Variants in SPACA9 observed in about 807,000 individuals in gnomAD.
The protein encoded by SPACA9 is sperm acrosome associated 9.
In SPACA9, 14 loss-of-function variants were observed where a neutral mutation model predicts 12.5. That is an observed-to-expected ratio of 1.12 (90% CI 0.74 to 1.75). The LOEUF (loss-of-function observed/expected upper bound fraction) is 1.75, where lower values mean the gene tolerates loss of function less well. Among genes scored for constraint, SPACA9 ranks in the 40% most tolerant of loss-of-function variants. SPACA9 has a pLI of 0.00. For synonymous variants in SPACA9, 111 were observed against 114.1 expected, an observed-to-expected ratio of 0.97 and a Z score of 0.17; for missense variants, 292 against 291.9, an observed-to-expected ratio of 1.00 and a Z score of 0.00.
Position 132,888,148 on chromosome 9 carries a change from G to A in SPACA9, c.348-142G>A. 1 of 1,359,840 alleles carries A rather than the reference G, an allele frequency of 7.4e-7. No homozygotes were observed. Among genetic ancestry groups the A allele is most frequent in the Non-Finnish European group, 9.8e-7 (1 of 1,018,570 alleles). 84.2% of individuals were successfully genotyped at this position (1,359,840 alleles called of 1,614,324 possible). A position where few individuals can be genotyped will look rare whatever the true frequency, so the allele number is the denominator to read the frequency against. ...AGGCCTGGTCTGCCAGAATCTCTGG[G>A]GACAGAGCGCCTCAGCGTGCTGTGT... On this transcript the variant is annotated intron_variant, in intron 3 of 3. Transcript: ENST00000356311. This position sits in a 1 kb window ranked among gnomAD's most constrained non-coding sequence, Gnocchi z 5.0.
intron 2 of SPACA9, among the ~76,000 whole-genome samples, chr9:132,886,747 G>A (rs1287481359): frequency 1.3e-5 from 2 of 152,144 alleles, no homozygotes; most frequent in East Asian, 3.9e-4. Context: ...CATTTTGCAT[G>A]GTGCCTGGAA....
intron 1 of SPACA9, among the ~76,000 whole-genome samples, chr9:132,880,433 T>G (rs1234444258): frequency 6.6e-6 from 1 of 151,856 alleles, no homozygotes; most frequent in East Asian, 1.9e-4. Flanking sequence ...AAGAACAGAG[T>G]CAGTTCCTCT....
intron 2 of SPACA9, among the ~76,000 whole-genome samples, chr9:132,886,706 G>A (rs1281575390): frequency 1.3e-5 from 2 of 152,228 alleles, no homozygotes; most frequent in African/African-American, 4.8e-5. Flanking sequence ...GTAGGGTTTA[G>A]ATGAAGACAG....
chr9:132,888,591 C>A lies in SPACA9; in HGVS notation c.649C>A (p.Pro217Thr). Residue 217 changes from proline to threonine, a missense_variant, in exon 4 of 4, where the codon CCT becomes ACT. Coordinates refer to ENST00000356311, the MANE Select transcript of SPACA9 (RefSeq NM_001316897.2). This position sits in a 1 kb window ranked among gnomAD's most constrained non-coding sequence, Gnocchi z 5.0. ...PRGCSKPPWR[P>T]PGGKL The stretch of plus-strand genomic sequence containing the variant: ...GGGATGTTCAAAACCACCCTGGAGG[C>A]CTCCTGGTGGGAAATTGTAACTCAG... 1 of 1,534,026 alleles carries A rather than the reference C, an allele frequency of 6.5e-7. No individual in the cohort carries two copies. The highest frequency in any genetic ancestry group is 8.8e-7 in the Non-Finnish European group (1 of 1,137,828).
intron 1 of SPACA9, 58 bp from the exon 2 acceptor site, chr9:132,883,853 G>A: frequency 7.3e-7 from 1 of 1,368,150 alleles, no homozygotes; most frequent in South Asian, 1.2e-5. Flanking sequence ...CTTCCCTCCG[G>A]AGCTGGATCC....
In SPACA9 at chr9:132,883,988, A is replaced by C; in HGVS notation, c.41A>C (p.Lys14Thr). ...GAATCCCTTCGCAGCATCGAGCAGA[A>C]GTACAAGCTCTTCCAGCAGCAGCAG... ...VKESLRSIEQ[K>T]YKLFQQQQLT... Residue 14 changes from lysine to threonine, a missense_variant, in exon 2 of 4, where the codon AAG becomes ACG. Coordinates refer to ENST00000356311, the MANE Select transcript of SPACA9 (RefSeq NM_001316897.2). 1 of 1,614,208 alleles carries C rather than the reference A, an allele frequency of 6.2e-7. No homozygotes were observed. Among genetic ancestry groups the C allele is most frequent in the African/African-American group, 1.3e-5 (1 of 75,042 alleles).
chr9:132,883,842 C>T, intron 1 of SPACA9, 69 bp from the exon 2 acceptor site: 1 of 1,250,768 alleles, frequency 8.0e-7, no homozygotes, highest in South Asian at 1.3e-5. Context: ...CCCTGACAGT[C>T]CTTCCCTCCG....
intron 2 of SPACA9, among the ~76,000 whole-genome samples, chr9:132,886,315 C>CCTCCTTCT (rs1844563772): frequency 6.6e-6 from 1 of 152,240 alleles, no homozygotes; most frequent in Admixed American, 6.5e-5. Context: ...ACTGGGTAAC[C>CCTCCTTCT]CCATAAGCTC....
chr9:132,890,054 G>C, downstream of SPACA9: 5 of 1,357,634 alleles, frequency 3.7e-6, no homozygotes, highest in Non-Finnish European at 4.8e-6. Context: ...TGGTTTCCTG[G>C]GATTTATCCC....
At chr9:132,885,541 A>G (rs1409926545) in intron 2 of SPACA9, among the ~76,000 whole-genome samples, 1 of 151,728 alleles carries the variant, frequency 6.6e-6, no homozygotes, top group East Asian at 1.9e-4. Context: ...AAAAAGTTAA[A>G]TGTACAGAAA....
Position 132,889,666 on chromosome 9 carries a change from C to T in SPACA9, c.*1055C>T, listed in dbSNP as rs1844694771. 21 of 969,264 alleles carry T rather than the reference C, an allele frequency of 2.2e-5. No individual in the cohort carries two copies. Among genetic ancestry groups the T allele is most frequent in the Admixed American group, 5.7e-5 (1 of 17,436 alleles). The allele number at this position is 969,264 out of a possible 1,614,324, so 60.0% of individuals were successfully genotyped here. On this transcript the variant is annotated 3_prime_UTR_variant, in exon 4 of 4. Coordinates refer to ENST00000356311, the MANE Select transcript of SPACA9 (RefSeq NM_001316897.2). ...CTGACCTCAACTGGTCCACCCGCCT[C>T]GGCCTCCCAAAGTGCTGGGATTACA... is the stretch of plus-strand genomic sequence containing the variant.
chr9:132,883,529 TG>T lies in SPACA9; in HGVS notation c.-37-381del, dbSNP rs200768028. Among the ~76,000 whole-genome samples the T allele has an allele frequency of 8.1e-3, 1,240 of 152,200 alleles. 13 individuals are homozygous for T. The highest frequency in any genetic ancestry group is 0.028 in the African/African-American group (1,159 of 41,522). ...GTGTGTACACGCGTGCGTGTGTGTG[TG>T]TATGCATGTACCTGTATGTGTGTGC... On this transcript the variant is annotated intron_variant, in intron 1 of 3. Coordinates refer to ENST00000356311, the MANE Select transcript of SPACA9 (RefSeq NM_001316897.2).
chr9:132,883,546 ATG>A (rs563296994), intron 1 of SPACA9, among the ~76,000 whole-genome samples: 1 of 151,886 alleles, frequency 6.6e-6, no homozygotes, highest in Non-Finnish European at 1.5e-5. Context: ...ATGTACCTGT[ATG>A]TGTGTGCACA....
rs1844597030 is a variant in SPACA9, at chr9:132,887,382, T to C, written c.158T>C (p.Met53Thr). ...CGGCCCTTGCAGGTGCAGAGCTACA[T>C]GGAACACTACTGCAACAGCTCCACA... ...ISSIGQVQSY[M>T]EHYCNSSTDR... The change falls in exon 3 of 4, where the codon ATG becomes ACG. Residue 53 changes from methionine (M) to threonine (T), a missense_variant. Coordinates refer to ENST00000356311, the MANE Select transcript of SPACA9 (RefSeq NM_001316897.2). The surrounding 1 kb of genome is among the most constrained non-coding windows in gnomAD (Gnocchi z 5.4). The C allele has an allele frequency of 6.2e-7, 1 of 1,612,340 alleles. No individual in the cohort carries two copies.
rs988439905 is a variant in SPACA9, at chr9:132,889,601, G to T, written c.*990G>T. 2.3e-5 allele frequency: 9 copies of T among 385,402 alleles called. No homozygotes were observed. Among genetic ancestry groups the T allele is most frequent in the Admixed American group, 6.4e-5 (1 of 15,546 alleles). The allele number at this position is 385,402 out of a possible 1,614,324, so 23.9% of individuals were successfully genotyped here. ...ATATATATATATATTTTTTAGTAGA[G>T]ACGGGGCTTCACCACGTTGGCCAGG... On this transcript the variant is annotated 3_prime_UTR_variant, in exon 4 of 4. Coordinates refer to ENST00000356311, the MANE Select transcript of SPACA9 (RefSeq NM_001316897.2).
At chr9:132,878,846 T>A (rs1588256548), upstream of SPACA9, 3 of 887,136 alleles carry the variant, frequency 3.4e-6, 1 homozygote, top group Admixed American at 1.9e-4. The surrounding 1 kb of genome is among the most constrained non-coding windows in gnomAD (Gnocchi z 4.7). Flanking sequence ...GCACCGGCGG[T>A]AACAATCACG....
upstream of SPACA9, chr9:132,878,851 A>C (rs1844282836): frequency 4.7e-6 from 4 of 854,904 alleles, no homozygotes; most frequent in African/African-American, 1.8e-5. This position sits in a 1 kb window ranked among gnomAD's most constrained non-coding sequence, Gnocchi z 4.7. Context: ...GGCGGTAACA[A>C]TCACGCCCGC....
chr9:132,888,635 C>T lies in SPACA9; in HGVS notation c.*24C>T, dbSNP rs770771420. 142 of 1,503,956 alleles carry T rather than the reference C, an allele frequency of 9.4e-5. No homozygotes were observed. The highest frequency in any genetic ancestry group is 1.2e-4 in the Non-Finnish European group (132 of 1,124,990). The allele number at this position is 1,503,956 out of a possible 1,614,324, so 93.2% of individuals were successfully genotyped here. Reference sequence around the variant, plus strand: ...AACTCAGAGCCAGGAGCTCCGTCGGCGGAGAGCTTTGCTGTTTAATTTGGA... The same window carrying T: ...AACTCAGAGCCAGGAGCTCCGTCGGTGGAGAGCTTTGCTGTTTAATTTGGA... On this transcript the variant is annotated 3_prime_UTR_variant, in exon 4 of 4. Transcript: ENST00000356311. This position sits in a 1 kb window ranked among gnomAD's most constrained non-coding sequence, Gnocchi z 5.0.
rs1209563494 is a variant in SPACA9, at chr9:132,884,127, A to G, written c.144+36A>G. 4 of 1,604,140 alleles carry G rather than the reference A, an allele frequency of 2.5e-6. No homozygotes were observed. The African/African-American group carries it at 4.0e-5, about 16-fold the overall frequency. ...CGACCCCCACCCCGGCCGAGGGGCA[A>G]CAAGCCCAGTCCCCTCTCACAAAAG... is the stretch of plus-strand genomic sequence containing the variant. On this transcript the variant is annotated intron_variant, in intron 2 of 3. Coordinates refer to ENST00000356311, the MANE Select transcript of SPACA9 (RefSeq NM_001316897.2).
Sources: gnomAD v4.1 joint callset for allele counts (sites outside exome capture counted in the v4.1 genomes callset) on GRCh38, gnomAD v4.1.1 for gene constraint, Gnocchi (gnomAD v3.1) non-coding constraint, MANE v1.5 for transcripts, NCBI Gene and HGNC (gene_info 2026-07-23, HGNC 2026-07-21) for gene names.